Variants in ABCC5 observed in about 807,000 individuals in gnomAD.
ABCC5 encodes ATP binding cassette subfamily C member 5.
ABCC5 carries 61 observed loss-of-function variants against 160.9 expected under a neutral mutation model. The observed-to-expected ratio is 0.38, with a 90% CI of 0.31 to 0.47. The LOEUF (loss-of-function observed/expected upper bound fraction) is 0.47, where lower values mean the gene tolerates loss of function less well. ABCC5 is among the 20% of genes least tolerant of loss of function. The pLI, the probability that ABCC5 is intolerant of heterozygous loss-of-function variation, is 0.99. For missense variants in ABCC5, 1,308 were observed against 1,813.3 expected, an observed-to-expected ratio of 0.72 and a Z score of 5.06; for synonymous variants, 666 against 700.6, an observed-to-expected ratio of 0.95 and a Z score of 0.78.
intron 2 of ABCC5, among the ~76,000 whole-genome samples, chr3:183,998,919 A>C (rs1440990508): frequency 1.3e-5 from 2 of 151,890 alleles, no homozygotes; most frequent in East Asian, 3.9e-4. Context: ...GTGCAACCTC[A>C]TCTCTACTAA....
Position 183,921,191 on chromosome 3 carries a change from G to A in ABCC5, c.*109C>T. 1 of 614,100 alleles carries A rather than the reference G, an allele frequency of 1.6e-6. No individual in the cohort carries two copies. 38.0% of individuals were successfully genotyped at this position (614,100 alleles called of 1,614,324 possible). A position where few individuals can be genotyped will look rare whatever the true frequency, so the allele number is the denominator to read the frequency against. On this transcript the variant is annotated 3_prime_UTR_variant, in exon 30 of 30. Transcript: ENST00000334444. The surrounding 1 kb of genome is among the most constrained non-coding windows in gnomAD (Gnocchi z 4.1). ...GCCAATCCGGAACTGCTGTGCGAAAGATAAAATCGAGAAAGGCAAGGTTTC... is the reference window on the plus strand; with the variant it reads ...GCCAATCCGGAACTGCTGTGCGAAAAATAAAATCGAGAAAGGCAAGGTTTC...
intron 2 of ABCC5, among the ~76,000 whole-genome samples, chr3:184,003,429 A>G (rs1228581017): frequency 6.6e-6 from 1 of 152,154 alleles, no homozygotes. Context: ...CTCTTCCCTT[A>G]AGAACTTCCA....
At chr3:183,939,678 G>A (rs1714097369) in intron 25 of ABCC5, among the ~76,000 whole-genome samples, 1 of 152,168 alleles carries the variant, frequency 6.6e-6, no homozygotes, top group African/African-American at 2.4e-5. Context: ...TGAAATTACT[G>A]TGTCAAAGGA....
rs575007742 is a variant in ABCC5 at position 183,967,669 on chromosome 3, G to A, written c.1833+26C>T. 88 of 1,594,626 alleles carry A rather than the reference G, an allele frequency of 5.5e-5. No individual in the cohort carries two copies. The South Asian group carries it at 9.2e-4, about 17-fold the overall frequency. On this transcript the variant is annotated intron_variant, in intron 12 of 29. Coordinates refer to ENST00000334444, the MANE Select transcript of ABCC5 (RefSeq NM_005688.4). ...CTCTTGCAAACCAGAGAAAGCAGCA[G>A]AAAAGGACAATAACAAAAATCTTAC...
chr3:183,931,497 T>C (rs1713179633), intron 26 of ABCC5, among the ~76,000 whole-genome samples: 1 of 152,146 alleles, frequency 6.6e-6, no homozygotes, highest in Non-Finnish European at 1.5e-5. Flanking sequence ...CACACCTGGC[T>C]AACTTTTGTA....
intron 5 of ABCC5, chr3:183,984,784 C>T: frequency 6.4e-7 from 1 of 1,555,798 alleles, no homozygotes; most frequent in South Asian, 1.2e-5. Flanking sequence ...GGAACTGAGT[C>T]ACAGGGCCAA....
intron 2 of ABCC5, among the ~76,000 whole-genome samples, chr3:183,999,577 A>G (rs1018620511): frequency 6.6e-6 from 1 of 152,050 alleles, no homozygotes; most frequent in African/African-American, 2.4e-5. Flanking sequence ...CAGGAGTTCA[A>G]GACCAGCCTG....
intron 2 of ABCC5, among the ~76,000 whole-genome samples, chr3:183,996,029 G>A (rs901580947): frequency 6.6e-6 from 1 of 152,054 alleles, no homozygotes; most frequent in Non-Finnish European, 1.5e-5. Context: ...GGCTGGTCTC[G>A]ATCTCCTGAC....
At chr3:184,007,016 CTTTT>C (rs376229755) in intron 2 of ABCC5, among the ~76,000 whole-genome samples, 1 of 81,162 alleles carries the variant, frequency 1.2e-5, no homozygotes, top group African/African-American at 5.3e-5. Context: ...TTTACTTCTG[CTTTT>C]TTTTTTTTTT....
chr3:183,945,773 C>T (rs1560482896), intron 24 of ABCC5, 77 bp downstream of exon 24: 2 of 1,141,418 alleles, frequency 1.8e-6, no homozygotes, highest in African/African-American at 1.5e-5. Context: ...CCTCCTTGTA[C>T]ACCCAGCTGA....
At position 183,945,813 on chromosome 3, in the gene ABCC5, G is replaced by A. The variant is rs28365022; in HGVS notation, c.3504+37C>T. The A allele has an allele frequency of 1.9e-3, 2,989 of 1,567,370 alleles. 43 individuals are homozygous for A. The African/African-American group carries it at 0.036, about 19-fold the overall frequency. ...GCAAAGGGTAAACCGACTCCAAGAG[G>A]AGTCAGATCACGGTAAAAGGCCTAC... On this transcript the variant is annotated intron_variant, in intron 24 of 29. Transcript: ENST00000334444.
At chr3:184,008,898 G>T (rs989884300) in intron 2 of ABCC5, among the ~76,000 whole-genome samples, 1 of 152,006 alleles carries the variant, frequency 6.6e-6, no homozygotes, top group Non-Finnish European at 1.5e-5. Flanking sequence ...GCTCTGTCAC[G>T]CAGGGTGGAG....
In ABCC5 at chr3:184,014,421, C is replaced by T. The variant is rs28365000; in HGVS notation, c.-29G>A. The T allele has an allele frequency of 2.8e-3, 4,451 of 1,585,714 alleles. 47 individuals carry two copies. Among genetic ancestry groups the T allele is most frequent in the African/African-American group, 0.026 (1,905 of 73,200 alleles). ...CTCTGAGTGGAGGTTCCAGGGCTCA[C>T]AGACTGTTAGTTTCACATCAGAATT... On this transcript the variant is annotated 5_prime_UTR_variant, in exon 2 of 30. In the 5' UTR this introduces an upstream ATG that the reference lacks. Coordinates refer to ENST00000334444, the MANE Select transcript of ABCC5 (RefSeq NM_005688.4).
At position 184,005,780 on chromosome 3, in the gene ABCC5, T is replaced by A. The variant is rs114938722; in HGVS notation, c.129+8484A>T. Among the ~76,000 whole-genome samples the A allele has an allele frequency of 3.7e-3, 568 of 151,696 alleles. 3 individuals carry two copies. Among genetic ancestry groups the A allele is most frequent in the African/African-American group, 0.013 (528 of 41,346 alleles). ...ATGTACCCTAGAACTTAAAGTATAA[T>A]AATAACTAAAAAAAAGAAAGCATTA... is the stretch of plus-strand genomic sequence containing the variant. On this transcript the variant is annotated intron_variant, in intron 2 of 29. Coordinates refer to ENST00000334444, the MANE Select transcript of ABCC5 (RefSeq NM_005688.4).
chr3:183,960,951 A>G (rs1182616858), intron 16 of ABCC5, among the ~76,000 whole-genome samples: 4 of 151,820 alleles, frequency 2.6e-5, no homozygotes, highest in Admixed American at 1.3e-4. Flanking sequence ...ACACCTGGCT[A>G]ATTTTTGTAT....
At position 183,982,324 on chromosome 3, in the gene ABCC5, A is replaced by T. The variant is rs1273476488; in HGVS notation, c.999+127T>A. On this transcript the variant is annotated intron_variant, in intron 7 of 29. Coordinates refer to ENST00000334444, the MANE Select transcript of ABCC5 (RefSeq NM_005688.4). The surrounding 1 kb of genome is among the most constrained non-coding windows in gnomAD (Gnocchi z 5.2). Reference sequence around the variant, plus strand: ...TAGAGCAAGCACTATCGAGCTCTAGATTGAACCTGCTTTGAGGAAATTTCC... The same window carrying T: ...TAGAGCAAGCACTATCGAGCTCTAGTTTGAACCTGCTTTGAGGAAATTTCC... 4.6e-6 allele frequency: 5 copies of T among 1,096,144 alleles called. No homozygotes were observed. Among genetic ancestry groups the T allele is most frequent in the East Asian group, 2.6e-5 (1 of 38,806 alleles). 67.9% of individuals were successfully genotyped at this position (1,096,144 alleles called of 1,614,324 possible). A position where few individuals can be genotyped will look rare whatever the true frequency, so the allele number is the denominator to read the frequency against.
intron 17 of ABCC5, among the ~76,000 whole-genome samples, chr3:183,958,008 G>A (rs372778532): frequency 7.3e-5 from 11 of 151,196 alleles, no homozygotes; most frequent in African/African-American, 9.8e-5. Context: ...ATGCAGATCC[G>A]TGTGTACATC....
At chr3:183,957,515 TAC>T (rs1716200114) in intron 17 of ABCC5, among the ~76,000 whole-genome samples, 1 of 149,512 alleles carries the variant, frequency 6.7e-6, no homozygotes, top group Non-Finnish European at 1.5e-5. Flanking sequence ...TCACATCGGT[TAC>T]ATGCTTATCT....
chr3:183,970,027 TCTC>T (rs1264162544), intron 11 of ABCC5, among the ~76,000 whole-genome samples: 2 of 152,348 alleles, frequency 1.3e-5, no homozygotes, highest in Non-Finnish European at 2.9e-5. Context: ...CCTTGACTGT[TCTC>T]CTTGCTTCCT....
Sources: gnomAD v4.1 joint callset for allele counts (sites outside exome capture counted in the v4.1 genomes callset) on GRCh38, gnomAD v4.1.1 for gene constraint, Gnocchi (gnomAD v3.1) non-coding constraint, MANE v1.5 for transcripts, NCBI Gene and HGNC (gene_info 2026-07-23, HGNC 2026-07-21) for gene names.